Variants in CNR1 observed in about 807,000 individuals in gnomAD.
The protein encoded by CNR1 is cannabinoid receptor 1 (brain).
In CNR1, 10 loss-of-function variants were observed where a neutral mutation model predicts 23.0. The observed-to-expected ratio is 0.43, with a 90% confidence interval of 0.27 to 0.74. The LOEUF (loss-of-function observed/expected upper bound fraction) is 0.74, where lower values mean the gene tolerates loss of function less well. Among genes scored for constraint, CNR1 ranks in the 30% least tolerant of loss-of-function variants. CNR1 has a pLI of 0.19. For synonymous variants in CNR1, 271 were observed against 255.2 expected, an observed-to-expected ratio of 1.06 and a Z score of -0.59; for missense variants, 422 against 618.8, an observed-to-expected ratio of 0.68 and a Z score of 3.37.
At chr6:88,159,117 A>G (rs1449727764) in intron 1 of CNR1, among the ~76,000 whole-genome samples, 1 of 152,248 alleles carries the variant, frequency 6.6e-6, no homozygotes, top group African/African-American at 2.4e-5. Flanking sequence ...AAAGCTTTAT[A>G]GGGTTGCTAA....
At chr6:88,149,360 C>T (rs1265925630) in intron 1 of CNR1, among the ~76,000 whole-genome samples, 1 of 152,154 alleles carries the variant, frequency 6.6e-6, no homozygotes, top group Non-Finnish European at 1.5e-5. Flanking sequence ...TTTCTCATAT[C>T]CTCACCTCTT....
chr6:88,144,070 T>C lies in CNR1; in HGVS notation c.1205A>G (p.Lys402Arg), dbSNP rs1247728189. ...VNPIIYALRSKDLRHAFRSMF... is the reference protein window; with the variant it reads ...VNPIIYALRSRDLRHAFRSMF... ...GCTCCGGAAAGCGTGTCGCAGGTCC[T>C]TACTCCTCAGAGCATAGATGATGGG... The change falls in exon 2 of 2, where the codon AAG (lysine) becomes AGG (arginine). Residue 402 changes from lysine (K) to arginine (R), a missense_variant. Physicochemically the swap from Lys to Arg is conservative, Grantham distance 26. Around this residue, in one of 4 missense-constraint regions of CNR1, gnomAD observed 79 missense variants for 98.0 expected, o/e 0.81. Transcript: ENST00000369501. This position sits in a 1 kb window ranked among gnomAD's most constrained non-coding sequence, Gnocchi z 7.8. 4 of 1,614,078 alleles carry C rather than the reference T, an allele frequency of 2.5e-6. No individual in the cohort carries two copies. The South Asian group carries it at 4.4e-5, about 18-fold the overall frequency.
intron 1 of CNR1, among the ~76,000 whole-genome samples, chr6:88,155,008 T>G (rs181261527): frequency 6.6e-6 from 1 of 152,242 alleles, no homozygotes; most frequent in African/African-American, 2.4e-5. Context: ...ATTTGGTCAT[T>G]AAAAGTGGAA....
At chr6:88,156,711 C>A (rs1317058102) in intron 1 of CNR1, among the ~76,000 whole-genome samples, 6 of 152,140 alleles carry the variant, frequency 3.9e-5, no homozygotes, top group African/African-American at 1.4e-4. Flanking sequence ...CTGCCTGGCA[C>A]AGTGCCTGGC....
chr6:88,152,907 T>C (rs1385152087), intron 1 of CNR1, among the ~76,000 whole-genome samples: 1 of 152,204 alleles, frequency 6.6e-6, no homozygotes, highest in Admixed American at 6.5e-5. Context: ...AAAATCATAA[T>C]TGGAAATTTC....
chr6:88,154,584 T>A (rs1169578591), intron 1 of CNR1, among the ~76,000 whole-genome samples: 1 of 152,186 alleles, frequency 6.6e-6, no homozygotes, highest in Non-Finnish European at 1.5e-5. Flanking sequence ...TTTTTTTTAT[T>A]TTTTTATTTT....
chr6:88,153,317 T>C (rs192660916), intron 1 of CNR1, among the ~76,000 whole-genome samples: 1 of 152,318 alleles, frequency 6.6e-6, no homozygotes, highest in Admixed American at 6.5e-5. Flanking sequence ...ATCCAGAGTC[T>C]TTATTTTTAT....
chr6:88,153,445 C>T (rs1777635986), intron 1 of CNR1, among the ~76,000 whole-genome samples: 1 of 152,294 alleles, frequency 6.6e-6, no homozygotes, highest in South Asian at 2.1e-4. Context: ...CATCATACTC[C>T]TTCTCTGATA....
upstream of CNR1, among the ~76,000 whole-genome samples, chr6:88,166,947 C>T (rs1778394630): frequency 6.6e-6 from 1 of 152,026 alleles, no homozygotes; most frequent in East Asian, 1.9e-4. Context: ...CGCTGCGCAG[C>T]CCCCGAGCCG....
chr6:88,147,185 G>A (rs866081884), intron 1 of CNR1, among the ~76,000 whole-genome samples: 4 of 152,270 alleles, frequency 2.6e-5, no homozygotes, highest in Middle Eastern at 3.4e-3. Flanking sequence ...ATGGTGGCAC[G>A]CCTGTAATCC....
intron 1 of CNR1, among the ~76,000 whole-genome samples, chr6:88,155,793 G>A (rs1487446877): frequency 6.6e-6 from 1 of 152,148 alleles, no homozygotes; most frequent in Non-Finnish European, 1.5e-5. Context: ...TGGTGCTAAT[G>A]GCAGTAACTG....
rs770413069 is a variant in CNR1, at chr6:88,145,184, C to T, written c.91G>A (p.Glu31Lys). 1.5e-5 allele frequency: 24 copies of T among 1,614,004 alleles called. No individual in the cohort carries two copies. The highest frequency in any genetic ancestry group is 1.2e-4 in the Admixed American group (7 of 60,008). Residue 31 changes from glutamate to lysine, a missense_variant, in exon 2 of 2, where the codon GAA becomes AAA. Glu to Lys is a moderately conservative substitution (Grantham distance 56, BLOSUM62 1). Around this residue, in one of 4 missense-constraint regions of CNR1, gnomAD observed 120 missense variants for 117.6 expected, o/e 1.02. Transcript: ENST00000369501. ...LYVGSNDIQY[E>K]DIKGDMASKL... is the part of the protein sequence containing the mutation. ...GATGCCATGTCACCTTTGATGTCTT[C>T]GTACTGAATGTCATTTGAGCCCACG...
chr6:88,155,499 T>C (rs1777745769), intron 1 of CNR1, among the ~76,000 whole-genome samples: 1 of 152,224 alleles, frequency 6.6e-6, no homozygotes, highest in Admixed American at 6.5e-5. Context: ...GATCCAGGTC[T>C]GCATAATTCA....
chr6:88,148,135 G>T (rs962228485), intron 1 of CNR1, among the ~76,000 whole-genome samples: 2 of 152,244 alleles, frequency 1.3e-5, no homozygotes, highest in Admixed American at 6.5e-5. Context: ...CAAATTGACT[G>T]CTCCTCACCT....
chr6:88,149,436 A>G (rs1280058119), intron 1 of CNR1, among the ~76,000 whole-genome samples: 1 of 152,196 alleles, frequency 6.6e-6, no homozygotes, highest in Non-Finnish European at 1.5e-5. Flanking sequence ...CTCCTTGCAA[A>G]CTTATGTTTG....
Position 88,142,499 on chromosome 6 carries a change from C to T in CNR1, c.*1357G>A, listed in dbSNP as rs757439142. On this transcript the variant is annotated 3_prime_UTR_variant, in exon 2 of 2. Coordinates refer to ENST00000369501, the MANE Select transcript of CNR1 (RefSeq NM_016083.6). ...TACAAATACATCCCTTCCTTGGATG[C>T]CTGTCATTATTTTTTGCTAAGCACT... 1.3e-5 allele frequency: 2 copies of T among 152,346 alleles called. No homozygotes were observed. The highest frequency in any genetic ancestry group is 2.4e-5 in the African/African-American group (1 of 41,444). The allele number at this position is 152,346 out of a possible 1,614,324, so 9.4% of individuals were successfully genotyped here.
chr6:88,152,913 A>G (rs1777602583), intron 1 of CNR1, among the ~76,000 whole-genome samples: 1 of 152,208 alleles, frequency 6.6e-6, no homozygotes, highest in African/African-American at 2.4e-5. Context: ...ATAATTGGAA[A>G]TTTCTAGCAA....
At chr6:88,159,565 A>G (rs2127767574) in intron 1 of CNR1, among the ~76,000 whole-genome samples, 1 of 152,332 alleles carries the variant, frequency 6.6e-6, no homozygotes, top group African/African-American at 2.4e-5. Context: ...GCTGAGGACT[A>G]AAATAATTCA....
At position 88,145,322 on chromosome 6, in the gene CNR1, C is replaced by T; in HGVS notation, c.-48G>A. ...GAGCTCAAAATGACTGAGAAAGTGA[C>T]CCACAGGGGGCAATCCTAAGAGGAG... On this transcript the variant is annotated 5_prime_UTR_variant, in exon 2 of 2. Coordinates refer to ENST00000369501, the MANE Select transcript of CNR1 (RefSeq NM_016083.6). 3 of 1,481,866 alleles carry T rather than the reference C, an allele frequency of 2.0e-6. No individual in the cohort carries two copies. The highest frequency in any genetic ancestry group is 2.8e-6 in the Non-Finnish European group (3 of 1,082,976). The allele number at this position is 1,481,866 out of a possible 1,614,324, so 91.8% of individuals were successfully genotyped here.
Sources: allele counts gnomAD v4.1 joint callset (sites outside exome capture counted in the v4.1 genomes callset), GRCh38; gene constraint gnomAD v4.1.1; regional missense constraint gnomAD v4.1.1; non-coding constraint Gnocchi (gnomAD v3.1); transcripts MANE v1.5; gene names NCBI Gene and HGNC (gene_info 2026-07-23, HGNC 2026-07-21).